Variants in OSMR observed in about 807,000 individuals in gnomAD.
OSMR encodes the protein oncostatin M receptor, also known as oncostatin-M-specific receptor subunit beta.
A neutral mutation model predicts 99.9 loss-of-function variants in OSMR; 81 were observed. The observed-to-expected ratio is 0.81, with a 90% confidence interval of 0.68 to 0.97. The LOEUF is 0.97. OSMR is among the 50% of genes least tolerant of loss of function. OSMR has a pLI of 0.00. For missense variants in OSMR, 1,099 were observed against 1,153.4 expected (o/e 0.95, Z 0.68); for synonymous variants, 406 against 410.4 (o/e 0.99, Z 0.13).
At chr5:38,893,968 CA>C (rs1363836541) in intron 7 of OSMR, among the ~76,000 whole-genome samples, 4 of 152,182 alleles carry the variant, frequency 2.6e-5, no homozygotes, top group Non-Finnish European at 4.4e-5. Context: ...ATCAGGCTAA[CA>C]GTGGACTTCT....
Position 38,886,160 on chromosome 5 carries a change from G to A in OSMR, c.961G>A (p.Val321Ile), listed in dbSNP as rs1193689579. Residue 321 changes from valine to isoleucine, a missense_variant, in exon 7 of 18, where the codon GTC (valine) becomes ATC (isoleucine). By Grantham distance (29) the Val-to-Ile change is conservative. Coordinates refer to ENST00000274276, the MANE Select transcript of OSMR (RefSeq NM_003999.3). ...TGAAAATTACTTAAGGAAGAGAAGT[G>A]TCAATATCCTTTTTAACCTGACTCA... ...IAENYLRKRS[V>I]NILFNLTHRV... The A allele has an allele frequency of 6.2e-7, 1 of 1,613,936 alleles. No individual in the cohort carries two copies. Among genetic ancestry groups the A allele is most frequent in the Admixed American group, 1.7e-5 (1 of 60,006 alleles).
intron 13 of OSMR, chr5:38,924,170 A>T: frequency 4.5e-6 from 1 of 223,914 alleles, no homozygotes; most frequent in Non-Finnish European, 7.5e-6. Context: ...AGCTTGTGCA[A>T]GTTATTTAGT....
In OSMR at chr5:38,886,043, T is replaced by G; in HGVS notation, c.844T>G (p.Ser282Ala). The change falls in exon 7 of 18, where the codon TCT (serine) becomes GCT (alanine). Residue 282 changes from serine to alanine, a missense_variant. Physicochemically the swap from Ser to Ala is moderately conservative, Grantham distance 99. Coordinates refer to ENST00000274276, the MANE Select transcript of OSMR (RefSeq NM_003999.3). ...SQSYTLFESFSGEKKLCTHKN... is the reference protein window; with the variant it reads ...SQSYTLFESFAGEKKLCTHKN... ...TATTTTGTTTTGTTTTTAAAGATTT[T>G]CTGGGGAAAAGAAACTTTGTACACA... 1 of 1,613,218 alleles carries G rather than the reference T, an allele frequency of 6.2e-7. No homozygotes were observed. The highest frequency in any genetic ancestry group is 8.5e-7 in the Non-Finnish European group (1 of 1,179,838).
At chr5:38,877,126 C>T (rs1742902195) in intron 3 of OSMR, among the ~76,000 whole-genome samples, 1 of 152,062 alleles carries the variant, frequency 6.6e-6, no homozygotes, top group Non-Finnish European at 1.5e-5. Flanking sequence ...CAGTCATTTT[C>T]ACGGGATATT....
At position 38,934,049 on chromosome 5, in the gene OSMR, A is replaced by G. The variant is rs139285755; in HGVS notation, c.*605A>G. ...GCGGGGGGCATAGCTCTAATCTAAT[A>G]TATAAAATGTGTGATGAATCAACAA... On this transcript the variant is annotated 3_prime_UTR_variant, in exon 18 of 18. Coordinates refer to ENST00000274276, the MANE Select transcript of OSMR (RefSeq NM_003999.3). The G allele has an allele frequency of 1.3e-5, 2 of 152,802 alleles. No homozygotes were observed. The highest frequency in any genetic ancestry group is 2.4e-5 in the African/African-American group (1 of 41,536). 9.5% of individuals were successfully genotyped at this position (152,802 alleles called of 1,614,324 possible). A position where few individuals can be genotyped will look rare whatever the true frequency, so the allele number is the denominator to read the frequency against.
At chr5:38,904,219 C>T (rs1561386725) in intron 8 of OSMR, 134 bp from the exon 9 acceptor site, 2 of 1,530,208 alleles carry the variant, frequency 1.3e-6, no homozygotes, top group Non-Finnish European at 1.8e-6. Flanking sequence ...TTTTTTCCCC[C>T]CAAAGAAGAA....
intron 1 of OSMR, among the ~76,000 whole-genome samples, chr5:38,852,326 C>T (rs996865054): frequency 6.6e-6 from 1 of 152,166 alleles, no homozygotes; most frequent in African/African-American, 2.4e-5. Flanking sequence ...AATAGAATTA[C>T]AGAATGATTT....
Position 38,889,506 on chromosome 5 carries a change from C to G in OSMR, c.991+3316C>G, listed in dbSNP as rs552316493. On this transcript the variant is annotated intron_variant, in intron 7 of 17. Coordinates refer to ENST00000274276, the MANE Select transcript of OSMR (RefSeq NM_003999.3). ...TTTTTTGTTTTATATCTATTTCTTTCCTGAGTTCTGTTACCTCATCCATGA... is the reference window on the plus strand; with the variant it reads ...TTTTTTGTTTTATATCTATTTCTTTGCTGAGTTCTGTTACCTCATCCATGA... Among the ~76,000 whole-genome samples the G allele has an allele frequency of 4.7e-4, 71 of 152,048 alleles. 1 individual carries two copies. The Middle Eastern group carries it at 0.031, about 66-fold the overall frequency.
chr5:38,943,074 G>C (rs1747766879), intron 1 of OSMR: 5 of 721,852 alleles, frequency 6.9e-6, no homozygotes, highest in Non-Finnish European at 1.2e-5. Flanking sequence ...TACAGATATG[G>C]ATTAGATGGC....
intron 2 of OSMR, among the ~76,000 whole-genome samples, chr5:38,874,604 C>A (rs890007172): frequency 1.3e-5 from 2 of 152,154 alleles, no homozygotes; most frequent in African/African-American, 4.8e-5. Context: ...AGAGCCCCAT[C>A]CTGTCACCTG....
At position 38,924,503 on chromosome 5, in the gene OSMR, A is replaced by T. The variant is rs754602328; in HGVS notation, c.1952A>T (p.Glu651Val). 1 of 1,614,002 alleles carries T rather than the reference A, an allele frequency of 6.2e-7. No homozygotes were observed. The highest frequency in any genetic ancestry group is 1.3e-5 in the African/African-American group (1 of 74,928). The change falls in exon 14 of 18, where the codon GAA becomes GTA. Residue 651 changes from glutamate (E) to valine (V), a missense_variant. Physicochemically the swap from Glu to Val is moderately radical, Grantham distance 121. Transcript: ENST00000274276. ...CTGAGTTGGAAAGATTACTCTACTG[A>T]ATCTCAACCTGGTTTTATACAAGGG... ...FTLSWKDYST[E>V]SQPGFIQGYH...
intron 1 of OSMR, among the ~76,000 whole-genome samples, chr5:38,865,253 C>T (rs779274797): frequency 6.6e-5 from 10 of 152,056 alleles, no homozygotes; most frequent in Non-Finnish European, 8.8e-5. Context: ...TCATTGGAAT[C>T]TGTTGCTGGA....
Position 38,921,777 on chromosome 5 carries a change from G to A in OSMR, c.1748G>A (p.Ser583Asn). The A allele has an allele frequency of 6.2e-7, 1 of 1,613,846 alleles. No homozygotes were observed. Among genetic ancestry groups the A allele is most frequent in the Non-Finnish European group, 8.5e-7 (1 of 1,179,764 alleles). ...QWKNVGPNTT[S>N]TVISTDAFRP... Reference sequence around the variant, plus strand: ...AAGAATGTAGGTCCCAATACCACAAGCACAGTCATTAGCACAGGTAAGAAG... The same window carrying A: ...AAGAATGTAGGTCCCAATACCACAAACACAGTCATTAGCACAGGTAAGAAG... The change falls in exon 12 of 18, where the codon AGC becomes AAC. Residue 583 changes from serine to asparagine, a missense_variant. By Grantham distance (46) the Ser-to-Asn change is conservative (BLOSUM62 1). Coordinates refer to ENST00000274276, the MANE Select transcript of OSMR (RefSeq NM_003999.3).
At position 38,884,099 on chromosome 5, in the gene OSMR, CT is replaced by C; in HGVS notation, c.696del (p.Phe232LeufsTer67). The C allele has an allele frequency of 1.2e-6, 2 of 1,613,126 alleles. No individual in the cohort carries two copies. The highest frequency in any genetic ancestry group is 1.7e-6 in the Non-Finnish European group (2 of 1,179,088). On this transcript the variant is annotated frameshift_variant, in exon 5 of 18. Transcript: ENST00000274276. LOFTEE classifies it high-confidence loss of function. ...CAGTGAAGGCATGAAAGGCATCGTTCTTTTTGTCTCAAGTAAGTGTGCAAAT... is the reference window on the plus strand; with the variant it reads ...CAGTGAAGGCATGAAAGGCATCGTTCTTTTGTCTCAAGTAAGTGTGCAAAT... ...NVSEGMKGIV[L>X]FVSKVLEEPK...
chr5:38,940,198 T>C, downstream of OSMR: 1 of 223,912 alleles, frequency 4.5e-6, no homozygotes, highest in Non-Finnish European at 8.7e-6. Flanking sequence ...TATTTCAGGA[T>C]AGATGACCAA....
Position 38,893,949 on chromosome 5 carries a change from G to C in OSMR, c.991+7759G>C, listed in dbSNP as rs557201245. On this transcript the variant is annotated intron_variant, in intron 7 of 17. Coordinates refer to ENST00000274276, the MANE Select transcript of OSMR (RefSeq NM_003999.3). ...AGAAAAAGGTCAGATCACATACAAA[G>C]GGACCCCCATCAGGCTAACAGTGGA... is the stretch of plus-strand genomic sequence containing the variant. Among the ~76,000 whole-genome samples, 27 of 152,226 alleles carry C rather than the reference G, an allele frequency of 1.8e-4. No individual in the cohort carries two copies. In the South Asian group the frequency reaches 5.6e-3, roughly 32 times the overall value.
At chr5:38,931,333 G>A (rs908487569) in intron 15 of OSMR, among the ~76,000 whole-genome samples, 1 of 152,158 alleles carries the variant, frequency 6.6e-6, no homozygotes, top group Non-Finnish European at 1.5e-5. Context: ...ACTGGGGTAA[G>A]CTGGACTCCA....
chr5:38,859,844 G>C (rs1216565088), intron 1 of OSMR, among the ~76,000 whole-genome samples: 2 of 152,104 alleles, frequency 1.3e-5, no homozygotes, highest in African/African-American at 4.8e-5. Flanking sequence ...TGTAGTTATT[G>C]TAAATGGGAT....
chr5:38,854,833 G>A (rs1229951659), intron 1 of OSMR, among the ~76,000 whole-genome samples: 3 of 152,198 alleles, frequency 2.0e-5, no homozygotes, highest in Non-Finnish European at 2.9e-5. Flanking sequence ...CAGATTTGGG[G>A]AAAGGACCAA....
Sources: allele counts gnomAD v4.1 joint callset (sites outside exome capture counted in the v4.1 genomes callset), GRCh38; gene constraint gnomAD v4.1.1; transcripts MANE v1.5; gene names NCBI Gene and HGNC (gene_info 2026-07-23, HGNC 2026-07-21).